RSU1: variants seen among roughly 807,000 people sequenced by gnomAD.
The protein encoded by RSU1 is Ras suppressor protein 1.
A neutral mutation model predicts 31.1 loss-of-function variants in RSU1; 26 were observed. The ratio of observed to expected loss-of-function variants is 0.84; its 90% CI spans 0.61 to 1.16. The LOEUF is 1.16. Ranked by LOEUF, RSU1 falls within the 50% of genes most tolerant of loss-of-function variation. The probability of loss-of-function intolerance (pLI) is 0.00; values close to 1 mark genes in which losing one functional copy is unlikely to be tolerated. For missense variants in RSU1, 320 were observed against 339.1 expected (o/e 0.94, Z 0.44); for synonymous variants, 164 against 136.3 (o/e 1.20, Z -1.41).
At chr10:16,701,194 A>C (rs912560224) in intron 7 of RSU1, among the ~76,000 whole-genome samples, 4 of 152,204 alleles carry the variant, frequency 2.6e-5, no homozygotes, top group Non-Finnish European at 4.4e-5. Flanking sequence ...ATTGAAAGGG[A>C]ATGGTCAAAA....
intron 7 of RSU1, among the ~76,000 whole-genome samples, chr10:16,714,028 T>C (rs953069492): frequency 6.6e-6 from 1 of 152,150 alleles, no homozygotes; most frequent in Non-Finnish European, 1.5e-5. Flanking sequence ...GTGGTTTTGC[T>C]GGGAGTAGGG....
In RSU1 at chr10:16,662,065, G is replaced by A. The variant is rs925325186; in HGVS notation, c.731+32958C>T. 2.6e-5 allele frequency among the ~76,000 whole-genome samples: 4 copies of A among 152,172 alleles called. No individual in the cohort carries two copies. In the South Asian group the frequency reaches 8.3e-4, roughly 32 times the overall value. On this transcript the variant is annotated intron_variant, in intron 8 of 8. Coordinates refer to ENST00000345264, the MANE Select transcript of RSU1 (RefSeq NM_012425.4). ...AAGAATTGGGCATTTTTCCCTTTTT[G>A]CAAGTGCCTTTTAGAGATGGTTAAA...
chr10:16,636,893 C>A (rs1834352540), intron 8 of RSU1, among the ~76,000 whole-genome samples: 1 of 152,186 alleles, frequency 6.6e-6, no homozygotes, highest in Admixed American at 6.5e-5. Context: ...CCATTGGGCA[C>A]AATACACAGC....
At chr10:16,750,737 T>C (rs1007244642) in intron 7 of RSU1, among the ~76,000 whole-genome samples, 1 of 152,166 alleles carries the variant, frequency 6.6e-6, no homozygotes, top group African/African-American at 2.4e-5. Flanking sequence ...ATAGAAGAAT[T>C]CACCTCACAC....
chr10:16,731,982 G>C (rs1305733592), intron 7 of RSU1, among the ~76,000 whole-genome samples: 2 of 152,116 alleles, frequency 1.3e-5, no homozygotes, highest in African/African-American at 2.4e-5. Flanking sequence ...GGCTTTCATT[G>C]ACTTCCTTAA....
chr10:16,672,689 A>C (rs1222272938), intron 8 of RSU1, among the ~76,000 whole-genome samples: 1 of 152,188 alleles, frequency 6.6e-6, no homozygotes, highest in African/African-American at 2.4e-5. Flanking sequence ...ATACAGTCAG[A>C]AAGTAGGTCA....
At chr10:16,594,260 G>A (rs960321387) in intron 8 of RSU1, among the ~76,000 whole-genome samples, 3 of 152,152 alleles carry the variant, frequency 2.0e-5, no homozygotes, top group Admixed American at 6.5e-5. Context: ...GGGCATACCC[G>A]GCTCCACAGC....
chr10:16,752,775 C>T (rs1837005382), intron 6 of RSU1, 122 bp from the exon 7 acceptor site: 4 of 1,020,892 alleles, frequency 3.9e-6, no homozygotes, highest in Non-Finnish European at 6.0e-6. Flanking sequence ...TTACAAGTGC[C>T]GGCGGATAAT....
At chr10:16,746,156 G>A (rs1836849459) in intron 7 of RSU1, among the ~76,000 whole-genome samples, 1 of 152,140 alleles carries the variant, frequency 6.6e-6, no homozygotes, top group Non-Finnish European at 1.5e-5. Context: ...CTCTGAAGGG[G>A]ATTAGTATTT....
intron 2 of RSU1, among the ~76,000 whole-genome samples, chr10:16,807,307 A>C (rs2131677869): frequency 6.6e-6 from 1 of 152,376 alleles, no homozygotes; most frequent in African/African-American, 2.4e-5. Context: ...ATGGATATGC[A>C]AAGAAACGGA....
intron 8 of RSU1, among the ~76,000 whole-genome samples, chr10:16,615,147 G>T (rs1470779072): frequency 1.3e-5 from 2 of 151,856 alleles, no homozygotes; most frequent in African/African-American, 4.8e-5. Context: ...CATCTCACGT[G>T]CAAAGACAAA....
At chr10:16,658,825 A>G (rs1834835517) in intron 8 of RSU1, among the ~76,000 whole-genome samples, 2 of 152,188 alleles carry the variant, frequency 1.3e-5, no homozygotes, top group Admixed American at 6.5e-5. Context: ...ACCCTAGAGA[A>G]CTTAGACTAT....
intron 4 of RSU1, among the ~76,000 whole-genome samples, chr10:16,755,551 T>C (rs1837067262): frequency 1.3e-5 from 2 of 152,290 alleles, no homozygotes; most frequent in East Asian, 1.9e-4. Flanking sequence ...TAAATCATAC[T>C]ATTTAACACA....
chr10:16,788,768 A>C (rs1398024227), intron 2 of RSU1, among the ~76,000 whole-genome samples: 2 of 152,224 alleles, frequency 1.3e-5, no homozygotes, highest in African/African-American at 4.8e-5. Flanking sequence ...GACACTTCCA[A>C]GAAGTTGTAC....
chr10:16,726,279 T>C, intron 7 of RSU1, among the ~76,000 whole-genome samples: 1 of 150,336 alleles, frequency 6.7e-6, no homozygotes, highest in Non-Finnish European at 1.5e-5. Flanking sequence ...TTTTTTTTTT[T>C]TTTTTTTGAG....
At chr10:16,817,234 G>T in intron 1 of RSU1, 81 bp downstream of exon 1, 1 of 586,342 alleles carries the variant, frequency 1.7e-6, no homozygotes, top group Admixed American at 2.9e-5. Context: ...GGTGCGGGGA[G>T]GGGATGGAGT....
chr10:16,611,355 C>A (rs944102904), intron 8 of RSU1, among the ~76,000 whole-genome samples: 10 of 152,214 alleles, frequency 6.6e-5, no homozygotes, highest in African/African-American at 2.2e-4. Context: ...CAATAAACTG[C>A]TTAGAAATCC....
At position 16,639,693 on chromosome 10, in the gene RSU1, A is replaced by G. The variant is rs1834405697; in HGVS notation, c.732-46197T>C. ...GCCAAAGACATTTTCATCTGCAGCCAAATCACCAGGGAAACACTTTGTCAA... is the reference window on the plus strand; with the variant it reads ...GCCAAAGACATTTTCATCTGCAGCCGAATCACCAGGGAAACACTTTGTCAA... On this transcript the variant is annotated intron_variant, in intron 8 of 8. Transcript: ENST00000345264. Among the ~76,000 whole-genome samples, 5 of 152,226 alleles carry G rather than the reference A, an allele frequency of 3.3e-5. 1 individual carries two copies. In the South Asian group the frequency reaches 1.0e-3, roughly 31 times the overall value.
chr10:16,635,108 A>C (rs1834324272), intron 8 of RSU1, among the ~76,000 whole-genome samples: 1 of 152,328 alleles, frequency 6.6e-6, no homozygotes, highest in South Asian at 2.1e-4. Flanking sequence ...ACAGCCTCCT[A>C]CTGGAAATAA....
Sources: gnomAD v4.1 joint callset for allele counts (sites outside exome capture counted in the v4.1 genomes callset) on GRCh38, gnomAD v4.1.1 for gene constraint, MANE v1.5 for transcripts, NCBI Gene and HGNC (gene_info 2026-07-23, HGNC 2026-07-21) for gene names.